The following NT5M variants were observed in gnomAD, a reference collection of about 807,000 sequenced individuals.
The protein encoded by NT5M is 5',3'-nucleotidase, mitochondrial, also known as 5'(3')-deoxyribonucleotidase, mitochondrial.
A neutral mutation model predicts 22.2 loss-of-function variants in NT5M; 22 were observed. The observed-to-expected ratio is 0.99, with a 90% CI of 0.71 to 1.41. The LOEUF (loss-of-function observed/expected upper bound fraction) is 1.41. Among genes scored for constraint, NT5M ranks in the 40% most tolerant of loss-of-function variants. NT5M has a pLI of 0.00. For synonymous variants in NT5M, 167 were observed against 133.0 expected (o/e 1.26, Z -1.76); for missense variants, 322 against 314.8 (o/e 1.02, Z -0.17).
chr17:17,318,068 A>T (rs547202422), intron 2 of NT5M, among the ~76,000 whole-genome samples: 1 of 152,174 alleles, frequency 6.6e-6, no homozygotes, highest in Admixed American at 6.5e-5. Flanking sequence ...TCAAACAAAT[A>T]CTAGTACCCG....
rs749091751 is a variant in NT5M, at chr17:17,303,758, G to T, written c.208G>T (p.Glu70Ter). 1.8e-5 allele frequency: 29 copies of T among 1,587,410 alleles called. 1 individual carries two copies. The South Asian group carries it at 3.1e-4, about 17-fold the overall frequency. Residue 70 changes from glutamate to a stop codon, truncating the protein, a stop_gained, in exon 1 of 5, where the codon GAG (glutamate) becomes TAG (stop). Coordinates refer to ENST00000389022, the MANE Select transcript of NT5M (RefSeq NM_020201.4). LOFTEE classifies it high-confidence loss of function. ...RFPDQPFIAL[E>*]DRRGFWVSEQ... is the part of the protein sequence containing the mutation. Reference sequence around the variant, plus strand: ...TCCCGACCAGCCCTTCATCGCGCTGGAGGACCGGCGCGGCTTCTGGGTGTC... The same window carrying T: ...TCCCGACCAGCCCTTCATCGCGCTGTAGGACCGGCGCGGCTTCTGGGTGTC...
In NT5M at chr17:17,303,766, G is replaced by A. The variant is rs928389466; in HGVS notation, c.216G>A (p.Arg72=). Residue 72 remains arginine, a synonymous_variant, in exon 1 of 5, where the codon CGG becomes CGA. Coordinates refer to ENST00000389022, the MANE Select transcript of NT5M (RefSeq NM_020201.4). ...AGCCCTTCATCGCGCTGGAGGACCGGCGCGGCTTCTGGGTGTCGGAGCAGT... is the reference window on the plus strand; with the variant it reads ...AGCCCTTCATCGCGCTGGAGGACCGACGCGGCTTCTGGGTGTCGGAGCAGT... ...PDQPFIALED[R]RGFWVSEQYG... 1.9e-6 allele frequency: 3 copies of A among 1,584,826 alleles called. No individual in the cohort carries two copies. The highest frequency in any genetic ancestry group is 1.1e-5 in the South Asian group (1 of 87,714).
intron 3 of NT5M, among the ~76,000 whole-genome samples, chr17:17,338,270 G>T (rs1436508266): frequency 6.6e-6 from 1 of 151,182 alleles, no homozygotes; most frequent in African/African-American, 2.4e-5. Context: ...TCGGCTCACT[G>T]CAATGTCCGT....
At chr17:17,344,730 T>C in intron 3 of NT5M, 64 bp from the exon 4 acceptor site, 1 of 1,584,878 alleles carries the variant, frequency 6.3e-7, no homozygotes, top group Non-Finnish European at 8.6e-7. Flanking sequence ...CCTCGGCTCT[T>C]GGTTGGCTCC....
intron 3 of NT5M, among the ~76,000 whole-genome samples, chr17:17,336,492 A>G (rs1597794666): frequency 6.6e-6 from 1 of 151,836 alleles, no homozygotes; most frequent in Admixed American, 6.6e-5. Context: ...ATCACTTAAC[A>G]TAATGACCTC....
intron 2 of NT5M, among the ~76,000 whole-genome samples, chr17:17,321,565 G>A (rs2049152121): frequency 6.6e-6 from 1 of 150,822 alleles, no homozygotes; most frequent in Admixed American, 6.6e-5. Flanking sequence ...CAGAGCACCA[G>A]AGAGGGCATT....
chr17:17,307,984 A>G (rs2048843727), intron 2 of NT5M, among the ~76,000 whole-genome samples: 1 of 152,134 alleles, frequency 6.6e-6, no homozygotes, highest in Non-Finnish European at 1.5e-5. Context: ...CAGGAAGTGG[A>G]GGTTGCAGTG....
intron 3 of NT5M, among the ~76,000 whole-genome samples, chr17:17,335,771 T>C (rs1469150338): frequency 6.6e-6 from 1 of 151,732 alleles, no homozygotes; most frequent in Non-Finnish European, 1.5e-5. Flanking sequence ...TAGCTGGAAC[T>C]ACAGGCACGT....
intron 2 of NT5M, among the ~76,000 whole-genome samples, chr17:17,312,860 C>A (rs1253730508): frequency 6.6e-6 from 1 of 152,072 alleles, no homozygotes; most frequent in Non-Finnish European, 1.5e-5. Flanking sequence ...ATAGTCCTAG[C>A]TACTTGGGAA....
chr17:17,322,602 G>T (rs1323178298), intron 2 of NT5M, among the ~76,000 whole-genome samples: 1 of 152,212 alleles, frequency 6.6e-6, no homozygotes, highest in Non-Finnish European at 1.5e-5. Flanking sequence ...CGTGCAGGAG[G>T]CACAGGCTCC....
At position 17,303,784 on chromosome 17, in the gene NT5M, G is replaced by T. The variant is rs1423829480; in HGVS notation, c.234G>T (p.Ser78=). 7.7e-6 allele frequency: 12 copies of T among 1,568,020 alleles called. No individual in the cohort carries two copies. The highest frequency in any genetic ancestry group is 1.0e-5 in the Non-Finnish European group (12 of 1,157,584). The change falls in exon 1 of 5, where the codon TCG becomes TCT. Residue 78 remains serine, a synonymous_variant. Coordinates refer to ENST00000389022, the MANE Select transcript of NT5M (RefSeq NM_020201.4). The part of the protein sequence containing the change: ...ALEDRRGFWV[S]EQYGRLRPGL... ...AGGACCGGCGCGGCTTCTGGGTGTC[G>T]GAGCAGTACGGCCGCCTGCGGCCAG...
At chr17:17,322,153 G>A (rs1418788791) in intron 2 of NT5M, among the ~76,000 whole-genome samples, 4 of 152,164 alleles carry the variant, frequency 2.6e-5, no homozygotes, top group Non-Finnish European at 5.9e-5. Flanking sequence ...GCGAGCCAGC[G>A]AGTGAGGTGC....
At chr17:17,325,234 T>A (rs899769968) in intron 3 of NT5M, among the ~76,000 whole-genome samples, 1 of 152,178 alleles carries the variant, frequency 6.6e-6, no homozygotes, top group Non-Finnish European at 1.5e-5. Flanking sequence ...CGACATGGCC[T>A]CATTCATCCG....
chr17:17,347,301 G>A lies in NT5M; in HGVS notation c.*354G>A, dbSNP rs573882841. 1 of 233,582 alleles carries A rather than the reference G, an allele frequency of 4.3e-6. No individual in the cohort carries two copies. Among genetic ancestry groups the A allele is most frequent in the South Asian group, 9.2e-5 (1 of 10,914 alleles). 14.5% of individuals were successfully genotyped at this position (233,582 alleles called of 1,614,324 possible). ...CTCCCTAGGCAAGTTCTCTGAGGCAGAAGGGGGTTCCCTGTTCCCAGAGTC... is the reference window on the plus strand; with the variant it reads ...CTCCCTAGGCAAGTTCTCTGAGGCAAAAGGGGGTTCCCTGTTCCCAGAGTC... On this transcript the variant is annotated 3_prime_UTR_variant, in exon 5 of 5. Coordinates refer to ENST00000389022, the MANE Select transcript of NT5M (RefSeq NM_020201.4).
At chr17:17,305,391 A>ACCC (rs1292946321) in intron 1 of NT5M, among the ~76,000 whole-genome samples, 17 of 39,410 alleles carry the variant, frequency 4.3e-4, no homozygotes, top group Non-Finnish European at 6.4e-4. Flanking sequence ...GGTTAAAACA[A>ACCC]CCGCCCCCCC....
chr17:17,305,900 C>G (rs2048791311), intron 1 of NT5M, among the ~76,000 whole-genome samples: 2 of 152,184 alleles, frequency 1.3e-5, no homozygotes, highest in African/African-American at 4.8e-5. Flanking sequence ...AGGTGGATCT[C>G]TTCCCCGTTC....
At chr17:17,328,563 C>T (rs1466470433) in intron 3 of NT5M, among the ~76,000 whole-genome samples, 1 of 152,122 alleles carries the variant, frequency 6.6e-6, no homozygotes, top group African/African-American at 2.4e-5. Flanking sequence ...GGAGATGGGT[C>T]TCGGGGCACA....
chr17:17,322,555 C>T (rs1028499491), intron 2 of NT5M, among the ~76,000 whole-genome samples: 5 of 152,172 alleles, frequency 3.3e-5, no homozygotes, highest in Admixed American at 6.5e-5. Context: ...AGAGAGAAAG[C>T]GTCAGCAAAG....
At chr17:17,336,949 A>G (rs565363854) in intron 3 of NT5M, among the ~76,000 whole-genome samples, 13 of 152,318 alleles carry the variant, frequency 8.5e-5, no homozygotes, top group Admixed American at 3.9e-4. Flanking sequence ...TAGTGCTGCA[A>G]TAAACATGGG....
Sources: gnomAD v4.1 joint callset for allele counts (sites outside exome capture counted in the v4.1 genomes callset) on GRCh38, gnomAD v4.1.1 for gene constraint, MANE v1.5 for transcripts, NCBI Gene and HGNC (gene_info 2026-07-23, HGNC 2026-07-21) for gene names.